Variants in AGBL4 observed in about 807,000 individuals in gnomAD.
The protein encoded by AGBL4 is cytosolic carboxypeptidase 6.
In AGBL4, 58 loss-of-function variants were observed where a neutral mutation model predicts 66.4. That is an observed-to-expected ratio of 0.87 (90% CI 0.71 to 1.09). AGBL4 has a LOEUF of 1.09. Among genes scored for constraint, AGBL4 ranks in the 50% least tolerant of loss-of-function variants. The pLI is 0.00. For synonymous variants in AGBL4, 234 were observed against 222.9 expected (o/e 1.05, Z -0.44); for missense variants, 579 against 631.0 (o/e 0.92, Z 0.88).
At chr1:49,131,027 T>A (rs1170626979) in intron 4 of AGBL4, among the ~76,000 whole-genome samples, 1 of 152,088 alleles carries the variant, frequency 6.6e-6, no homozygotes, top group Non-Finnish European at 1.5e-5. Context: ...AATGAATAGA[T>A]AAAAATAAAT....
intron 6 of AGBL4, among the ~76,000 whole-genome samples, chr1:48,679,852 T>A (rs921934867): frequency 3.3e-5 from 5 of 152,230 alleles, no homozygotes; most frequent in African/African-American, 1.2e-4. Flanking sequence ...GCTTTTCCAA[T>A]AAGCCCACCC....
intron 4 of AGBL4, among the ~76,000 whole-genome samples, chr1:49,061,145 A>C (rs1300442513): frequency 6.6e-6 from 1 of 152,220 alleles, no homozygotes; most frequent in Non-Finnish European, 1.5e-5. Context: ...GCGAAAGTAC[A>C]ATCACAGTCT....
intron 3 of AGBL4, among the ~76,000 whole-genome samples, chr1:49,403,627 C>G (rs1197802550): frequency 6.6e-5 from 10 of 152,078 alleles, no homozygotes; most frequent in Non-Finnish European, 1.5e-5. Context: ...GTCATGTTTT[C>G]CAGGATTATC....
chr1:48,866,814 T>C (rs1237787890), intron 6 of AGBL4, among the ~76,000 whole-genome samples: 2 of 152,190 alleles, frequency 1.3e-5, no homozygotes, highest in East Asian at 3.9e-4. Flanking sequence ...CATCCTCCCT[T>C]CATTCTATGG....
At chr1:49,898,718 T>C (rs1289426706) in intron 1 of AGBL4, among the ~76,000 whole-genome samples, 1 of 152,118 alleles carries the variant, frequency 6.6e-6, no homozygotes, top group East Asian at 1.9e-4. Context: ...GCAACTCAAG[T>C]GCCTGTAAAT....
chr1:48,530,732 T>G (rs1032586129), downstream of AGBL4, among the ~76,000 whole-genome samples: 5 of 152,308 alleles, frequency 3.3e-5, no homozygotes, highest in African/African-American at 1.2e-4. Flanking sequence ...TAGCACTGCA[T>G]CAGTATGGAG....
At chr1:50,020,898 G>C (rs1662396321) in intron 1 of AGBL4, among the ~76,000 whole-genome samples, 1 of 152,168 alleles carries the variant, frequency 6.6e-6, no homozygotes, top group African/African-American at 2.4e-5. Flanking sequence ...TGTATCAGGT[G>C]ACTCCAGCCA....
chr1:49,172,780 G>A (rs1208950758), intron 4 of AGBL4, among the ~76,000 whole-genome samples: 1 of 152,134 alleles, frequency 6.6e-6, no homozygotes, highest in Non-Finnish European at 1.5e-5. Flanking sequence ...GTAGCAACAG[G>A]GAAGCATGGT....
intron 5 of AGBL4, among the ~76,000 whole-genome samples, chr1:48,985,805 A>T (rs547923150): frequency 6.6e-6 from 1 of 152,282 alleles, no homozygotes; most frequent in East Asian, 1.9e-4. Flanking sequence ...AGGAAAATAA[A>T]TTGAAATAAA....
intron 2 of AGBL4, among the ~76,000 whole-genome samples, chr1:49,835,463 G>T (rs1163692133): frequency 6.6e-6 from 1 of 152,010 alleles, no homozygotes; most frequent in Non-Finnish European, 1.5e-5. Context: ...GCCTATGTGT[G>T]TCTTTGCATG....
intron 6 of AGBL4, among the ~76,000 whole-genome samples, chr1:48,837,711 C>CTATATATA (rs58650623): frequency 0.027 from 2,216 of 82,114 alleles, 73 homozygotes; most frequent in Middle Eastern, 0.037. Flanking sequence ...CACACACACA[C>CTATATATA]TATATATATA....
intron 4 of AGBL4, among the ~76,000 whole-genome samples, chr1:49,144,714 C>A (rs768205370): frequency 2.3e-4 from 35 of 152,024 alleles, no homozygotes; most frequent in African/African-American, 6.3e-4. Flanking sequence ...AAGAGAAATT[C>A]AGGAGAAAGG....
chr1:49,240,522 C>T (rs1223050964), intron 4 of AGBL4, among the ~76,000 whole-genome samples: 9 of 150,116 alleles, frequency 6.0e-5, no homozygotes, highest in South Asian at 4.2e-4. Flanking sequence ...AAAAAGACTT[C>T]GCTCTTTGGT....
At chr1:49,437,489 A>C (rs1306879238) in intron 3 of AGBL4, among the ~76,000 whole-genome samples, 1 of 152,114 alleles carries the variant, frequency 6.6e-6, no homozygotes, top group African/African-American at 2.4e-5. Context: ...TCAAAGGAAA[A>C]CCATTATTTG....
intron 3 of AGBL4, among the ~76,000 whole-genome samples, chr1:49,465,067 CCAAA>C (rs1241693655): frequency 1.3e-5 from 2 of 151,652 alleles, no homozygotes; most frequent in Non-Finnish European, 2.9e-5. Context: ...ATGCCTTAAA[CCAAA>C]CAAAGTAGAA....
intron 5 of AGBL4, among the ~76,000 whole-genome samples, chr1:48,956,791 A>G (rs1174843906): frequency 6.6e-6 from 1 of 152,226 alleles, no homozygotes; most frequent in Non-Finnish European, 1.5e-5. Flanking sequence ...GAAACAAAAA[A>G]TAATGATCAG....
chr1:49,079,434 G>A (rs1644767524), intron 4 of AGBL4, among the ~76,000 whole-genome samples: 1 of 152,150 alleles, frequency 6.6e-6, no homozygotes, highest in South Asian at 2.1e-4. Flanking sequence ...CATGGCAGCA[G>A]GTGAGAGAGA....
At chr1:49,056,255 GA>G (rs968566181) in intron 4 of AGBL4, among the ~76,000 whole-genome samples, 320 of 145,446 alleles carry the variant, frequency 2.2e-3, no homozygotes, top group Non-Finnish European at 3.4e-3. Flanking sequence ...GCAGAAGGGG[GA>G]AAAAAAAAAG....
At chr1:49,309,153 C>T (rs1425544202) in intron 3 of AGBL4, among the ~76,000 whole-genome samples, 2 of 152,096 alleles carry the variant, frequency 1.3e-5, no homozygotes, top group African/African-American at 2.4e-5. Context: ...CTAGGCTCAA[C>T]ATTCTGTGTG....
Sources: gnomAD v4.1 joint callset for allele counts (sites outside exome capture counted in the v4.1 genomes callset) on GRCh38, gnomAD v4.1.1 for gene constraint, MANE v1.5 for transcripts, NCBI Gene and HGNC (gene_info 2026-07-23, HGNC 2026-07-21) for gene names.